PCCB: variants seen among roughly 807,000 people sequenced by gnomAD.
The protein encoded by PCCB is propionyl-CoA carboxylase beta chain, mitochondrial.
A neutral mutation model predicts 60.7 loss-of-function variants in PCCB; 43 were observed. The ratio of observed to expected loss-of-function variants is 0.71; its 90% CI spans 0.55 to 0.91. The LOEUF (loss-of-function observed/expected upper bound fraction) is 0.91, where lower values mean the gene tolerates loss of function less well. Among genes scored for constraint, PCCB ranks in the 40% least tolerant of loss-of-function variants. PCCB has a pLI of 0.00. For missense variants in PCCB, 766 were observed against 702.8 expected (o/e 1.09, Z -1.02); for synonymous variants, 276 against 255.9 (o/e 1.08, Z -0.75).
At position 136,302,543 on chromosome 3, in the gene PCCB, TTTTA is replaced by T. The variant is rs1180256709; in HGVS notation, c.966+1444_966+1447del. 2.2e-4 allele frequency among the ~76,000 whole-genome samples: 27 copies of T among 120,944 alleles called. 3 individuals are homozygous for T. The highest frequency in any genetic ancestry group is 1.1e-3 in the Admixed American group (11 of 10,120). The allele number at this position is 120,944 out of a possible 152,430, so 79.3% of individuals were successfully genotyped here. A position where few individuals can be genotyped will look rare whatever the true frequency, so the allele number is the denominator to read the frequency against. Reference sequence around the variant, plus strand: ...TTTCTGTCATTTATTTAGGGTTTTATTTTATTTATTTATTTTTATTTTATTTTAT... The same window carrying T: ...TTTCTGTCATTTATTTAGGGTTTTATTTTATTTATTTTTATTTTATTTTAT... On this transcript the variant is annotated intron_variant, in intron 9 of 14. Transcript: ENST00000251654.
At position 136,297,317 on chromosome 3, in the gene PCCB, T is replaced by G. The variant is rs181262361; in HGVS notation, c.764-635T>G. On this transcript the variant is annotated intron_variant, in intron 7 of 14. Coordinates refer to ENST00000251654, the MANE Select transcript of PCCB (RefSeq NM_000532.5). ...TGTGGACAAGAGACCGTAGGGGCAA[T>G]GGTGAAAGAAAGGAGTCTGGTGGGA... Among the ~76,000 whole-genome samples the G allele has an allele frequency of 2.0e-3, 305 of 152,222 alleles. 2 individuals carry two copies. Among genetic ancestry groups the G allele is most frequent in the African/African-American group, 7.1e-3 (293 of 41,540 alleles).
intron 5 of PCCB, among the ~76,000 whole-genome samples, chr3:136,276,046 C>G (rs1307176711): frequency 6.6e-6 from 1 of 152,336 alleles, no homozygotes; most frequent in East Asian, 1.9e-4. Flanking sequence ...GTTGGGATTA[C>G]AGGCGTGAGC....
intron 5 of PCCB, among the ~76,000 whole-genome samples, chr3:136,267,173 G>A (rs1047916833): frequency 1.3e-5 from 2 of 152,058 alleles, no homozygotes; most frequent in Non-Finnish European, 2.9e-5. Context: ...GCGTGAGCCA[G>A]CACACTCAGC....
intron 1 of PCCB, among the ~76,000 whole-genome samples, chr3:136,253,331 C>T (rs955805745): frequency 2.0e-5 from 3 of 151,502 alleles, no homozygotes; most frequent in African/African-American, 2.4e-5. Flanking sequence ...CCTCGTGATC[C>T]GTCTGCCTCG....
intron 6 of PCCB, among the ~76,000 whole-genome samples, chr3:136,289,783 G>A (rs964558281): frequency 1.1e-5 from 1 of 87,232 alleles, no homozygotes; most frequent in Non-Finnish European, 2.5e-5. Flanking sequence ...TTATTAACAT[G>A]TTATACTTTT....
chr3:136,324,017 GT>G (rs1179503724), intron 10 of PCCB, among the ~76,000 whole-genome samples: 1 of 140,470 alleles, frequency 7.1e-6, no homozygotes, highest in Non-Finnish European at 1.5e-5. Context: ...GATATTTAAT[GT>G]CATATATGTT....
chr3:136,289,230 G>A lies in PCCB; in HGVS notation c.655-4526G>A, dbSNP rs113598260. ...GGATCTGTCCACTTTTGATAGAGGA[G>A]TGTTAAGATCTTCAACTGTAATCAT... On this transcript the variant is annotated intron_variant, in intron 6 of 14. Coordinates refer to ENST00000251654, the MANE Select transcript of PCCB (RefSeq NM_000532.5). Among the ~76,000 whole-genome samples the A allele has an allele frequency of 1.7e-4, 26 of 152,240 alleles. 1 individual carries two copies. Among genetic ancestry groups the A allele is most frequent in the African/African-American group, 6.3e-4 (26 of 41,532 alleles).
At chr3:136,306,354 G>C (rs1373714658) in intron 9 of PCCB, among the ~76,000 whole-genome samples, 1 of 121,812 alleles carries the variant, frequency 8.2e-6, no homozygotes, top group African/African-American at 2.5e-5. Flanking sequence ...AAAGCTGATT[G>C]AATTAAGAAA....
chr3:136,258,223 C>A (rs1273636533), intron 3 of PCCB, among the ~76,000 whole-genome samples: 5 of 152,162 alleles, frequency 3.3e-5, no homozygotes, highest in African/African-American at 1.2e-4. Flanking sequence ...ATACTTTTGA[C>A]CACCTCTTAT....
chr3:136,305,792 A>C (rs1395020751), intron 9 of PCCB, among the ~76,000 whole-genome samples: 1 of 120,522 alleles, frequency 8.3e-6, no homozygotes, highest in Non-Finnish European at 1.8e-5. Context: ...GCTAGAAAAG[A>C]GTCAAAGCAG....
chr3:136,256,001 C>T, intron 2 of PCCB, 26 bp downstream of exon 2: 1 of 1,614,096 alleles, frequency 6.2e-7, no homozygotes, highest in Non-Finnish European at 8.5e-7. Context: ...GTGGTGTGAA[C>T]ACTTTTTAGG....
chr3:136,290,357 C>A (rs913749277), intron 6 of PCCB, among the ~76,000 whole-genome samples: 1 of 152,114 alleles, frequency 6.6e-6, no homozygotes, highest in African/African-American at 2.4e-5. Context: ...CCACTCTCTT[C>A]GTTCTTGCAT....
chr3:136,260,638 G>A, intron 4 of PCCB, 103 bp downstream of exon 4: 1 of 985,560 alleles, frequency 1.0e-6, no homozygotes, highest in South Asian at 1.4e-5. Context: ...ACTTGGGGTA[G>A]GGCAGAGGTA....
chr3:136,260,414 C>G (rs1941789802), intron 3 of PCCB, 65 bp from the exon 4 acceptor site: 2 of 1,321,620 alleles, frequency 1.5e-6, no homozygotes, highest in African/African-American at 2.9e-5. Flanking sequence ...ATTTCTTCCT[C>G]CCACTGGGTT....
intron 6 of PCCB, among the ~76,000 whole-genome samples, chr3:136,292,878 C>T (rs1348368896): frequency 6.6e-6 from 1 of 152,066 alleles, no homozygotes; most frequent in Non-Finnish European, 1.5e-5. Context: ...GAAGTAAGGG[C>T]TGGGCTGTAG....
intron 7 of PCCB, among the ~76,000 whole-genome samples, chr3:136,297,197 C>T (rs774662070): frequency 6.6e-6 from 1 of 151,864 alleles, no homozygotes; most frequent in African/African-American, 2.4e-5. Flanking sequence ...CAAAGGCTCT[C>T]GGTAGGAGAG....
At position 136,283,919 on chromosome 3, in the gene PCCB, C is replaced by A; in HGVS notation, c.626C>A (p.Ala209Asp). 1 of 1,612,356 alleles carries A rather than the reference C, an allele frequency of 6.2e-7. No homozygotes were observed. Among genetic ancestry groups the A allele is most frequent in the Non-Finnish European group, 8.5e-7 (1 of 1,178,536 alleles). Residue 209 changes from alanine (A) to aspartate (D), a missense_variant, in exon 6 of 15, where the codon GCC (alanine) becomes GAC (aspartate). Ala to Asp is a moderately radical substitution (Grantham distance 126). Coordinates refer to ENST00000251654, the MANE Select transcript of PCCB (RefSeq NM_000532.5). ...GCTGGTGGGGCCGTCTACTCCCCAG[C>A]CCTAACAGACTTCACGTTCATGGTA... ...PCAGGAVYSPALTDFTFMVKD... is the reference protein window; with the variant it reads ...PCAGGAVYSPDLTDFTFMVKD...
intron 5 of PCCB, 77 bp downstream of exon 5, chr3:136,262,142 C>A: frequency 1.1e-6 from 1 of 881,924 alleles, no homozygotes; most frequent in Non-Finnish European, 1.9e-6. Context: ...AGAGCTTCTC[C>A]AACTCTCCTC....
intron 9 of PCCB, among the ~76,000 whole-genome samples, chr3:136,302,385 TG>T (rs1934322515): frequency 8.3e-6 from 1 of 120,752 alleles, no homozygotes; most frequent in Non-Finnish European, 1.8e-5. Flanking sequence ...GTTGCCTGGG[TG>T]GGGAGACAGA....
Sources: gnomAD v4.1 joint callset for allele counts (sites outside exome capture counted in the v4.1 genomes callset) on GRCh38, gnomAD v4.1.1 for gene constraint, MANE v1.5 for transcripts, NCBI Gene and HGNC (gene_info 2026-07-23, HGNC 2026-07-21) for gene names.